Variants in RAI1 observed in about 807,000 individuals in gnomAD.
The protein encoded by RAI1 is retinoic acid-induced protein 1.
Under a neutral mutation model 123.8 loss-of-function variants are expected in RAI1, and 9 were observed. The observed-to-expected ratio is 0.07, with a 90% CI of 0.04 to 0.13. The LOEUF (loss-of-function observed/expected upper bound fraction) is 0.13. RAI1 is among the 10% of genes least tolerant of loss of function. RAI1 has a pLI of 1.00. For synonymous variants in RAI1, 1,231 were observed against 1,127.3 expected (o/e 1.09, Z -1.84); for missense variants, 2,256 against 2,545.8 (o/e 0.89, Z 2.45).
At chr17:17,779,796 A>G (rs541600820) in intron 2 of RAI1, among the ~76,000 whole-genome samples, 6 of 135,388 alleles carry the variant, frequency 4.4e-5, no homozygotes, top group Non-Finnish European at 9.3e-5. Context: ...TTTTTTTAAT[A>G]GACGGAGTCT....
rs1211400962 is a variant in RAI1 at position 17,744,558 on chromosome 17, C to T, written c.-17+20399C>T. Among the ~76,000 whole-genome samples, 4 of 152,090 alleles carry T rather than the reference C, an allele frequency of 2.6e-5. No individual in the cohort carries two copies. In the East Asian group the frequency reaches 5.8e-4, roughly 22 times the overall value. On this transcript the variant is annotated intron_variant, in intron 2 of 5. Transcript: ENST00000353383. ...CTGTAATTCCAGCACTTTGGGAGGC[C>T]GAGGCGGACAGATCACGAGGTCAGG...
In RAI1 at chr17:17,796,373, G is replaced by A. The variant is rs2032249630; in HGVS notation, c.3425G>A (p.Arg1142His). Residue 1142 changes from arginine (R) to histidine (H), a missense_variant, in exon 3 of 6, where the codon CGC (arginine) becomes CAC (histidine). By Grantham distance (29) the Arg-to-His change is conservative. This residue lies in a region of RAI1 where 322 missense variants were observed against 358.0 expected (regional missense o/e 0.90). Coordinates refer to ENST00000353383, the MANE Select transcript of RAI1 (RefSeq NM_030665.4). The surrounding 1 kb of genome is among the most constrained non-coding windows in gnomAD (Gnocchi z 5.8). ...CCCAGCACGCCTGGCAAGGACCAGC[G>A]CTCCATGATCCTTCGGTCACGCACC... ...DSPSTPGKDQ[R>H]SMILRSRTKT... 2 of 1,613,686 alleles carry A rather than the reference G, an allele frequency of 1.2e-6. No individual in the cohort carries two copies. Among genetic ancestry groups the A allele is most frequent in the Non-Finnish European group, 8.5e-7 (1 of 1,180,008 alleles).
rs900269659 is a variant in RAI1, at chr17:17,801,979, G to A, written c.5566-1777G>A. On this transcript the variant is annotated intron_variant, in intron 3 of 5. Transcript: ENST00000353383. This position sits in a 1 kb window ranked among gnomAD's most constrained non-coding sequence, Gnocchi z 4.1. The stretch of plus-strand genomic sequence containing the variant: ...TATTGTCGTTTGTTTCACTGGCTTC[G>A]CACTTGGGCAGAGGCCGCCGCCCTC... 20 of 447,662 alleles carry A rather than the reference G, an allele frequency of 4.5e-5. No homozygotes were observed. Among genetic ancestry groups the A allele is most frequent in the African/African-American group, 8.1e-5 (4 of 49,564 alleles). 27.7% of individuals were successfully genotyped at this position (447,662 alleles called of 1,614,324 possible). A position where few individuals can be genotyped will look rare whatever the true frequency, so the allele number is the denominator to read the frequency against.
intron 2 of RAI1, among the ~76,000 whole-genome samples, chr17:17,740,263 C>T (rs1475905461): frequency 6.6e-6 from 1 of 152,138 alleles, no homozygotes; most frequent in East Asian, 1.9e-4. Context: ...GTCCAGGCCC[C>T]CTTTGGGGAG....
chr17:17,740,872 A>C (rs1015726678), intron 2 of RAI1, among the ~76,000 whole-genome samples: 6 of 145,316 alleles, frequency 4.1e-5, no homozygotes, highest in Non-Finnish European at 7.5e-5. Flanking sequence ...TCCTCAGAGC[A>C]GGTGAAAGGA....
intron 1 of RAI1, chr17:17,684,310 C>T (rs1411793616): frequency 6.6e-6 from 1 of 152,070 alleles, no homozygotes; most frequent in East Asian, 1.9e-4. Context: ...GAAATAACTC[C>T]CTTACTGTGT....
At chr17:17,786,613 C>A (rs1043730915) in intron 2 of RAI1, among the ~76,000 whole-genome samples, 1 of 152,186 alleles carries the variant, frequency 6.6e-6, no homozygotes, top group Admixed American at 6.5e-5. Flanking sequence ...AGTGGTATTT[C>A]CAGAGGTAAA....
chr17:17,776,306 T>G (rs188221158), intron 2 of RAI1, among the ~76,000 whole-genome samples: 3 of 152,378 alleles, frequency 2.0e-5, no homozygotes, highest in African/African-American at 7.2e-5. Context: ...TTAAATCTTT[T>G]AGGAGTTATC....
chr17:17,684,479 A>G (rs1305112109), intron 1 of RAI1: 2 of 152,150 alleles, frequency 1.3e-5, no homozygotes, highest in South Asian at 2.1e-4. Context: ...CATGCAACAA[A>G]TGTTAATTGC....
intron 2 of RAI1, among the ~76,000 whole-genome samples, chr17:17,744,789 C>CAAAAAA (rs58984430): frequency 6.4e-5 from 3 of 46,802 alleles, no homozygotes; most frequent in African/African-American, 1.7e-4. Flanking sequence ...GACTCCGTCT[C>CAAAAAA]AAAAAAAAAA....
chr17:17,793,285 G>T lies in RAI1; in HGVS notation c.337G>T (p.Ala113Ser). Residue 113 changes from alanine to serine, a missense_variant, in exon 3 of 6, where the codon GCT (alanine) becomes TCT (serine). Ala to Ser is a moderately conservative substitution (Grantham distance 99, BLOSUM62 1). Around this residue, in one of 7 missense-constraint regions of RAI1, gnomAD observed 336 missense variants for 349.8 expected, o/e 0.96. Transcript: ENST00000353383. ...QDSSPYPGRY[A>S]GEESLQAWGA... is the part of the protein sequence containing the mutation. ...CAGCAGCCCCTACCCAGGCCGCTATGCTGGTGAGGAGAGCCTTCAGGCTTG... is the reference window on the plus strand; with the variant it reads ...CAGCAGCCCCTACCCAGGCCGCTATTCTGGTGAGGAGAGCCTTCAGGCTTG... 6.2e-7 allele frequency: 1 copy of T among 1,612,502 alleles called. No homozygotes were observed. Among genetic ancestry groups the T allele is most frequent in the Non-Finnish European group, 8.5e-7 (1 of 1,179,768 alleles).
At position 17,796,729 on chromosome 17, in the gene RAI1, G is replaced by A. The variant is rs145593469; in HGVS notation, c.3781G>A (p.Glu1261Lys). Residue 1261 changes from glutamate to lysine, a missense_variant, in exon 3 of 6, where the codon GAG becomes AAG. By Grantham distance (56) the Glu-to-Lys change is moderately conservative. Coordinates refer to ENST00000353383, the MANE Select transcript of RAI1 (RefSeq NM_030665.4). The surrounding 1 kb of genome is among the most constrained non-coding windows in gnomAD (Gnocchi z 5.8). ...TGGCAATGGGGGAGATGGGAAGGAG[G>A]AGAGGCCTGAGGGTTCCCCCACCCT... Reference protein sequence around the residue: ...ASGNGGDGKEERPEGSPTLFK... With the variant: ...ASGNGGDGKEKRPEGSPTLFK... 1.3e-5 allele frequency: 21 copies of A among 1,612,184 alleles called. No homozygotes were observed. Among genetic ancestry groups the A allele is most frequent in the Admixed American group, 5.0e-5 (3 of 60,010 alleles).
chr17:17,693,838 G>A (rs1356639365), intron 1 of RAI1, among the ~76,000 whole-genome samples: 2 of 152,188 alleles, frequency 1.3e-5, no homozygotes, highest in Non-Finnish European at 1.5e-5. Flanking sequence ...AGAGATCGGC[G>A]GCTGGACCAG....
Position 17,779,073 on chromosome 17 carries a change from C to T in RAI1, c.-16-13860C>T, listed in dbSNP as rs574603913. On this transcript the variant is annotated intron_variant, in intron 2 of 5. Coordinates refer to ENST00000353383, the MANE Select transcript of RAI1 (RefSeq NM_030665.4). ...CCTGGTTTTTACTCTTAAACACCTTCGCATTTCATGGCTGTTCCAAAGAGA... is the reference window on the plus strand; with the variant it reads ...CCTGGTTTTTACTCTTAAACACCTTTGCATTTCATGGCTGTTCCAAAGAGA... The T allele has an allele frequency of 5.8e-5, 21 of 363,864 alleles. 1 individual carries two copies. Among genetic ancestry groups the T allele is most frequent in the South Asian group, 3.1e-4 (15 of 48,784 alleles). The allele number at this position is 363,864 out of a possible 1,614,324, so 22.5% of individuals were successfully genotyped here.
rs2032246029 is a variant in RAI1, at chr17:17,796,315, C to T, written c.3367C>T (p.Pro1123Ser). The change falls in exon 3 of 6, where the codon CCG (proline) becomes TCG (serine). Residue 1123 changes from proline (P) to serine (S), a missense_variant. Pro to Ser is a moderately conservative substitution (Grantham distance 74). Around this residue, in one of 7 missense-constraint regions of RAI1, gnomAD observed 22 missense variants for 50.7 expected, o/e 0.43. Transcript: ENST00000353383. The surrounding 1 kb of genome is among the most constrained non-coding windows in gnomAD (Gnocchi z 5.8). ...CCTGCCTGTGGCCTCCGACAGCAGC[C>T]CGATGGGCTCCAAGACCAAGGAGAC... ...AALPVASDSS[P>S]MGSKTKETDS... 1.2e-6 allele frequency: 2 copies of T among 1,611,632 alleles called. No homozygotes were observed. The highest frequency in any genetic ancestry group is 1.7e-5 in the Admixed American group (1 of 59,946).
chr17:17,810,048 G>A lies in RAI1; in HGVS notation c.*67G>A, dbSNP rs1184323945. 3.3e-6 allele frequency: 5 copies of A among 1,538,208 alleles called. No individual in the cohort carries two copies. In the Admixed American group the frequency reaches 9.9e-5, roughly 31 times the overall value. On this transcript the variant is annotated 3_prime_UTR_variant, in exon 6 of 6. Transcript: ENST00000353383. The surrounding 1 kb of genome is among the most constrained non-coding windows in gnomAD (Gnocchi z 4.6). The stretch of plus-strand genomic sequence containing the variant: ...GCCCGCCCGCCGCCGAAGGAGAGGA[G>A]CCGCCTGCGCAGCCCCCGGGCCTTT...
In RAI1 at chr17:17,796,603, C is replaced by A. The variant is rs151290050; in HGVS notation, c.3655C>A (p.Leu1219Ile). ...GAGSKLSDRP[L>I]HALKRKSAFM... ...AGGCAGCAAGCTCTCTGACCGGCCCCTCCATGCGCTCAAAAGGAAGTCGGC... is the reference window on the plus strand; with the variant it reads ...AGGCAGCAAGCTCTCTGACCGGCCCATCCATGCGCTCAAAAGGAAGTCGGC... Residue 1219 changes from leucine (L) to isoleucine (I), a missense_variant, in exon 3 of 6, where the codon CTC becomes ATC. Coordinates refer to ENST00000353383, the MANE Select transcript of RAI1 (RefSeq NM_030665.4). This position sits in a 1 kb window ranked among gnomAD's most constrained non-coding sequence, Gnocchi z 5.8. 1.2e-6 allele frequency: 2 copies of A among 1,612,234 alleles called. No individual in the cohort carries two copies. The highest frequency in any genetic ancestry group is 2.2e-5 in the South Asian group (2 of 91,078).
At chr17:17,693,457 G>C (rs541025519) in intron 1 of RAI1, among the ~76,000 whole-genome samples, 211 of 152,342 alleles carry the variant, frequency 1.4e-3, no homozygotes, top group African/African-American at 4.9e-3. Flanking sequence ...CATCTTTCTT[G>C]CTCCACCCAA....
chr17:17,743,129 AC>A (rs1284283095), intron 2 of RAI1, among the ~76,000 whole-genome samples: 1 of 152,166 alleles, frequency 6.6e-6, no homozygotes, highest in Non-Finnish European at 1.5e-5. Context: ...GTTGGGACTT[AC>A]AGTCACATGC....
Sources: gnomAD v4.1 joint callset for allele counts (sites outside exome capture counted in the v4.1 genomes callset) on GRCh38, gnomAD v4.1.1 for gene constraint, gnomAD v4.1.1 regional missense constraint, Gnocchi (gnomAD v3.1) non-coding constraint, MANE v1.5 for transcripts, NCBI Gene and HGNC (gene_info 2026-07-23, HGNC 2026-07-21) for gene names.